The following RAB39A variants were observed in gnomAD, a reference collection of about 807,000 sequenced individuals.
RAB39A encodes ras-related protein Rab-39A.
A neutral mutation model predicts 20.9 loss-of-function variants in RAB39A; 17 were observed. That is an observed-to-expected ratio of 0.81 (90% CI 0.56 to 1.22). The LOEUF (loss-of-function observed/expected upper bound fraction) is 1.22, where lower values mean the gene tolerates loss of function less well. Ranked by LOEUF, RAB39A falls within the 50% of genes most tolerant of loss-of-function variation. The pLI is 0.00. For synonymous variants in RAB39A, 99 were observed against 103.4 expected, an observed-to-expected ratio of 0.96 and a Z score of 0.26; for missense variants, 234 against 270.5, an observed-to-expected ratio of 0.87 and a Z score of 0.95.
chr11:107,936,739 T>C (rs1377172018), intron 1 of RAB39A, among the ~76,000 whole-genome samples: 3 of 152,122 alleles, frequency 2.0e-5, no homozygotes, highest in Non-Finnish European at 4.4e-5. Context: ...CTGGCAAACA[T>C]GGTGAAACCC....
chr11:107,943,959 G>A (rs1861284120), intron 1 of RAB39A, among the ~76,000 whole-genome samples: 2 of 152,064 alleles, frequency 1.3e-5, no homozygotes, highest in Non-Finnish European at 2.9e-5. Context: ...GCTGGACATG[G>A]TGGCAGTTGC....
chr11:107,941,277 C>T (rs77728763), intron 1 of RAB39A, among the ~76,000 whole-genome samples: 3,132 of 152,156 alleles, frequency 0.021, 247 homozygotes, highest in East Asian at 0.14. Flanking sequence ...GTTTCCCAAC[C>T]CAGAGTCCTA....
Position 107,958,132 on chromosome 11 carries a change from T to A in RAB39A, c.228-3814T>A, listed in dbSNP as rs563390178. Among the ~76,000 whole-genome samples the A allele has an allele frequency of 3.3e-5, 5 of 152,292 alleles. 1 individual carries two copies. Among genetic ancestry groups the A allele is most frequent in the Admixed American group, 3.3e-4 (5 of 15,290 alleles). On this transcript the variant is annotated intron_variant, in intron 1 of 1. Coordinates refer to ENST00000320578, the MANE Select transcript of RAB39A (RefSeq NM_017516.3). ...GTCTCGAATTCCTGACCTCAGGTGA[T>A]CTGCCCACCTTGGCCTCCCAAATTG...
chr11:107,958,015 C>T (rs1861455814), intron 1 of RAB39A, among the ~76,000 whole-genome samples: 1 of 152,120 alleles, frequency 6.6e-6, no homozygotes, highest in African/African-American at 2.4e-5. Flanking sequence ...CCTCAGCCTC[C>T]CAAGTAGCTT....
chr11:107,947,070 G>A (rs1420143896), intron 1 of RAB39A, among the ~76,000 whole-genome samples: 1 of 151,806 alleles, frequency 6.6e-6, no homozygotes, highest in Non-Finnish European at 1.5e-5. Context: ...TCAAAAGGTA[G>A]GACAAAAAGA....
At chr11:107,945,519 G>A (rs1861299675) in intron 1 of RAB39A, among the ~76,000 whole-genome samples, 2 of 152,066 alleles carry the variant, frequency 1.3e-5, no homozygotes, top group African/African-American at 2.4e-5. Flanking sequence ...ATGGGGAATG[G>A]TAAATGAATT....
intron 1 of RAB39A, among the ~76,000 whole-genome samples, chr11:107,941,870 G>T (rs954806082): frequency 6.6e-6 from 1 of 151,980 alleles, no homozygotes; most frequent in Non-Finnish European, 1.5e-5. Context: ...AGGCTGAGGC[G>T]GGTGGATCAC....
In RAB39A at chr11:107,962,517, G is replaced by A. The variant is rs1030426317; in HGVS notation, c.*145G>A. ...ACTATTTTATAAGGTATTTGATTCA[G>A]AGCATGATGCTTACTTGTTACACTA... On this transcript the variant is annotated 3_prime_UTR_variant, in exon 2 of 2. Coordinates refer to ENST00000320578, the MANE Select transcript of RAB39A (RefSeq NM_017516.3). 1 of 756,684 alleles carries A rather than the reference G, an allele frequency of 1.3e-6. No homozygotes were observed. The highest frequency in any genetic ancestry group is 2.0e-6 in the Non-Finnish European group (1 of 494,618). The allele number at this position is 756,684 out of a possible 1,614,324, so 46.9% of individuals were successfully genotyped here.
intron 1 of RAB39A, among the ~76,000 whole-genome samples, chr11:107,954,435 C>T (rs1378046504): frequency 6.6e-6 from 1 of 152,160 alleles, no homozygotes; most frequent in Non-Finnish European, 1.5e-5. Flanking sequence ...CTCCTAATTA[C>T]CAGCCCCGAT....
chr11:107,932,063 A>G (rs560491927), intron 1 of RAB39A, among the ~76,000 whole-genome samples: 4 of 151,980 alleles, frequency 2.6e-5, no homozygotes, highest in African/African-American at 9.6e-5. Flanking sequence ...GGGTTTGGCC[A>G]TGTTGCCCAG....
rs372869860 is a variant in RAB39A, at chr11:107,945,761, G to A, written c.228-16185G>A. On this transcript the variant is annotated intron_variant, in intron 1 of 1. Transcript: ENST00000320578. ...TATATCAAACAATTTTCTCTCCCCC[G>A]CCAACCACATTGGCAAAAAACTGGA... is the stretch of plus-strand genomic sequence containing the variant. 8.5e-5 allele frequency among the ~76,000 whole-genome samples: 13 copies of A among 152,094 alleles called. No homozygotes were observed. In the East Asian group the frequency reaches 1.2e-3, roughly 14 times the overall value.
Position 107,962,025 on chromosome 11 carries a change from C to A in RAB39A, c.307C>A (p.His103Asn), listed in dbSNP as rs753432336. 1 of 1,613,770 alleles carries A rather than the reference C, an allele frequency of 6.2e-7. No individual in the cohort carries two copies. Among genetic ancestry groups the A allele is most frequent in the Non-Finnish European group, 8.5e-7 (1 of 1,179,768 alleles). Residue 103 changes from histidine (H) to asparagine (N), a missense_variant, in exon 2 of 2, where the codon CAT becomes AAT. His to Asn is a moderately conservative substitution (Grantham distance 68). Coordinates refer to ENST00000320578, the MANE Select transcript of RAB39A (RefSeq NM_017516.3). ...CATTACTAACCGACGATCTTTTGAACATGTGAAAGATTGGCTAGAAGAAGC... is the reference window on the plus strand; with the variant it reads ...CATTACTAACCGACGATCTTTTGAAAATGTGAAAGATTGGCTAGAAGAAGC... ...FDITNRRSFE[H>N]VKDWLEEAKM...
At chr11:107,947,250 C>T (rs193100961) in intron 1 of RAB39A, among the ~76,000 whole-genome samples, 2,068 of 151,998 alleles carry the variant, frequency 0.014, 29 homozygotes, top group Non-Finnish European at 0.019. Flanking sequence ...TACAGGCGTC[C>T]GCCACCACGC....
chr11:107,956,806 A>G (rs376495145), intron 1 of RAB39A, among the ~76,000 whole-genome samples: 4 of 152,352 alleles, frequency 2.6e-5, no homozygotes, highest in South Asian at 4.1e-4. Context: ...GAAGTTTCCC[A>G]GATGAATATG....
At chr11:107,937,537 C>A (rs1042588481) in intron 1 of RAB39A, among the ~76,000 whole-genome samples, 1 of 145,934 alleles carries the variant, frequency 6.9e-6, no homozygotes, top group Non-Finnish European at 1.5e-5. Context: ...GGAATTATTA[C>A]TATTTTTTTT....
At chr11:107,950,441 G>A (rs1417147408) in intron 1 of RAB39A, among the ~76,000 whole-genome samples, 1 of 152,024 alleles carries the variant, frequency 6.6e-6, no homozygotes, top group Non-Finnish European at 1.5e-5. Context: ...TGCATGCCCA[G>A]TGCAGTTTTA....
At chr11:107,953,293 T>G (rs1197516237) in intron 1 of RAB39A, among the ~76,000 whole-genome samples, 1 of 152,222 alleles carries the variant, frequency 6.6e-6, no homozygotes, top group Non-Finnish European at 1.5e-5. Flanking sequence ...AAGTCTATGT[T>G]GACTCTATTG....
At position 107,944,534 on chromosome 11, in the gene RAB39A, G is replaced by A. The variant is rs185839050; in HGVS notation, c.227+15739G>A. Among the ~76,000 whole-genome samples, 20 of 152,038 alleles carry A rather than the reference G, an allele frequency of 1.3e-4. No homozygotes were observed. The East Asian group carries it at 2.5e-3, about 19-fold the overall frequency. On this transcript the variant is annotated intron_variant, in intron 1 of 1. Transcript: ENST00000320578. ...CCCAAGTAGCTGGGATTACAGGTGC[G>A]TGCCACCATGCCCGGCTAATTTTTG... is the stretch of plus-strand genomic sequence containing the variant.
rs73551493 is a variant in RAB39A at position 107,929,642 on chromosome 11, A to C, written c.227+847A>C. On this transcript the variant is annotated intron_variant, in intron 1 of 1. Coordinates refer to ENST00000320578, the MANE Select transcript of RAB39A (RefSeq NM_017516.3). ...CCAGGGTGATAATATTTCTAAAGAC[A>C]GAAGGAGGGATCCAAATGAATAGTC... 6.5e-3 allele frequency among the ~76,000 whole-genome samples: 989 copies of C among 151,158 alleles called. 11 individuals are homozygous for C. Among genetic ancestry groups the C allele is most frequent in the African/African-American group, 0.023 (940 of 40,454 alleles).
Sources: gnomAD v4.1 joint callset for allele counts (sites outside exome capture counted in the v4.1 genomes callset) on GRCh38, gnomAD v4.1.1 for gene constraint, MANE v1.5 for transcripts, NCBI Gene and HGNC (gene_info 2026-07-23, HGNC 2026-07-21) for gene names.